Variants in A1CF observed in about 807,000 individuals in gnomAD.
A1CF encodes the protein APOBEC1 complementation factor.
A1CF carries 48 observed loss-of-function variants against 68.9 expected under a neutral mutation model. The ratio of observed to expected loss-of-function variants is 0.70; its 90% CI spans 0.55 to 0.89. The LOEUF (loss-of-function observed/expected upper bound fraction) is 0.89. Ranked by LOEUF, A1CF falls within the 40% of genes least tolerant of loss-of-function variation. A1CF has a pLI of 0.00. For missense variants in A1CF, 653 were observed against 718.9 expected (o/e 0.91, Z 1.05); for synonymous variants, 272 against 260.4 (o/e 1.04, Z -0.43).
At chr10:50,878,413 T>C (rs1303893718) in intron 1 of A1CF, among the ~76,000 whole-genome samples, 1 of 152,244 alleles carries the variant, frequency 6.6e-6, no homozygotes, top group Non-Finnish European at 1.5e-5. Context: ...GATCTAATTA[T>C]TGAAACAACC....
chr10:50,819,511 A>G (rs923118390), intron 8 of A1CF, among the ~76,000 whole-genome samples: 2 of 152,060 alleles, frequency 1.3e-5, no homozygotes, highest in Non-Finnish European at 2.9e-5. Context: ...TTGACTCCAG[A>G]ATGCTGTGAG....
intron 7 of A1CF, among the ~76,000 whole-genome samples, chr10:50,827,563 T>A (rs1839014809): frequency 6.6e-6 from 1 of 152,148 alleles, no homozygotes; most frequent in East Asian, 1.9e-4. Context: ...AAGGTGGAAA[T>A]AAAGATGTTC....
intron 1 of A1CF, among the ~76,000 whole-genome samples, chr10:50,870,638 T>C (rs920910811): frequency 1.1e-4 from 16 of 151,808 alleles, no homozygotes; most frequent in Non-Finnish European, 2.2e-4. Flanking sequence ...ACATTCAATG[T>C]TTTCCTCCCA....
At chr10:50,812,384 G>T (rs1390169361) in intron 10 of A1CF, among the ~76,000 whole-genome samples, 6 of 152,166 alleles carry the variant, frequency 3.9e-5, no homozygotes, top group Non-Finnish European at 8.8e-5. Flanking sequence ...CTAAGCCATA[G>T]TTGTAGAAGG....
At chr10:50,809,789 TG>T in intron 12 of A1CF, 104 bp downstream of exon 12, 1 of 1,496,846 alleles carries the variant, frequency 6.7e-7, no homozygotes, top group Non-Finnish European at 9.0e-7. Flanking sequence ...CAAGTCAGAT[TG>T]CTGTAAGTAG....
chr10:50,864,745 A>G (rs953324885), intron 1 of A1CF, among the ~76,000 whole-genome samples: 1 of 151,906 alleles, frequency 6.6e-6, no homozygotes, highest in Non-Finnish European at 1.5e-5. Flanking sequence ...CAGCCTCCCG[A>G]GAAGCTGGGA....
chr10:50,872,778 C>A (rs1334439619), intron 1 of A1CF, among the ~76,000 whole-genome samples: 1 of 151,814 alleles, frequency 6.6e-6, no homozygotes, highest in Non-Finnish European at 1.5e-5. Flanking sequence ...GGATTGATCC[C>A]CTGTGGATAT....
At chr10:50,825,236 C>G (rs563156093) in intron 7 of A1CF, among the ~76,000 whole-genome samples, 2 of 152,004 alleles carry the variant, frequency 1.3e-5, no homozygotes, top group Non-Finnish European at 2.9e-5. Flanking sequence ...CATGGCCCAC[C>G]CTTATTAACA....
chr10:50,834,250 C>A (rs1024713790), intron 6 of A1CF, among the ~76,000 whole-genome samples: 2 of 152,116 alleles, frequency 1.3e-5, no homozygotes, highest in African/African-American at 4.8e-5. Context: ...CTCCCCCACA[C>A]CCCAAATTAT....
intron 2 of A1CF, among the ~76,000 whole-genome samples, chr10:50,861,606 A>C (rs1272162764): frequency 6.8e-6 from 1 of 147,992 alleles, no homozygotes; most frequent in Non-Finnish European, 1.5e-5. Flanking sequence ...ATTAGTACCA[A>C]TATTACTAAT....
intron 3 of A1CF, among the ~76,000 whole-genome samples, chr10:50,848,114 A>G: frequency 6.6e-6 from 1 of 152,152 alleles, no homozygotes; most frequent in Non-Finnish European, 1.5e-5. Context: ...TGAGGATGCT[A>G]CTACTATTAC....
At chr10:50,884,394 T>C (rs569564133) in intron 1 of A1CF, among the ~76,000 whole-genome samples, 9 of 152,206 alleles carry the variant, frequency 5.9e-5, no homozygotes, top group Non-Finnish European at 1.0e-4. Flanking sequence ...GTCAATGTTA[T>C]TCCAGAAAGT....
intron 2 of A1CF, chr10:50,862,876 G>C (rs537273575): frequency 4.6e-5 from 7 of 152,176 alleles, no homozygotes; most frequent in Non-Finnish European, 1.0e-4. Flanking sequence ...GATTATTTAC[G>C]TATGTGTTAC....
At chr10:50,854,814 G>A (rs1564523597) in intron 3 of A1CF, among the ~76,000 whole-genome samples, 2 of 151,856 alleles carry the variant, frequency 1.3e-5, no homozygotes, top group Non-Finnish European at 2.9e-5. Context: ...TGTTTATTTA[G>A]GATGATCATT....
chr10:50,799,656 C>A lies in A1CF; in HGVS notation c.*7073G>T, dbSNP rs1303663517. ...TTGTACTAAAGTACAAAAATAAGTG[C>A]TTTATGCACACTTTTTAATACTGTC... is the stretch of plus-strand genomic sequence containing the variant. On this transcript the variant is annotated 3_prime_UTR_variant, in exon 13 of 13. Transcript: ENST00000373997. 6.6e-6 allele frequency: 1 copy of A among 152,036 alleles called. No homozygotes were observed. The highest frequency in any genetic ancestry group is 1.5e-5 in the Non-Finnish European group (1 of 67,980). The allele number at this position is 152,036 out of a possible 1,614,324, so 9.4% of individuals were successfully genotyped here.
rs1371764898 is a variant in A1CF at position 50,800,247 on chromosome 10, T to C, written c.*6482A>G. 6.6e-6 allele frequency: 1 copy of C among 152,166 alleles called. No individual in the cohort carries two copies. The highest frequency in any genetic ancestry group is 1.5e-5 in the Non-Finnish European group (1 of 67,988). 9.4% of individuals were successfully genotyped at this position (152,166 alleles called of 1,614,324 possible). On this transcript the variant is annotated 3_prime_UTR_variant, in exon 13 of 13. Transcript: ENST00000373997. ...CAATTCCATGTTTTAATTCTCCTTC[T>C]GGACCTCTAACTAACCTTTTTCTCC...
At chr10:50,861,549 C>A (rs1331046822) in intron 2 of A1CF, among the ~76,000 whole-genome samples, 2 of 147,954 alleles carry the variant, frequency 1.4e-5, no homozygotes, top group Non-Finnish European at 3.0e-5. Flanking sequence ...TTAGGACTAC[C>A]TACTAATATT....
intron 3 of A1CF, chr10:50,850,850 T>C: frequency 6.4e-7 from 1 of 1,567,206 alleles, no homozygotes; most frequent in Non-Finnish European, 8.6e-7. Context: ...CATTCCTTAA[T>C]CCGTTTGGAG....
chr10:50,865,210 G>A (rs544757850), intron 1 of A1CF, among the ~76,000 whole-genome samples: 5 of 152,052 alleles, frequency 3.3e-5, no homozygotes, highest in African/African-American at 1.2e-4. Context: ...AGTGAGCTGC[G>A]ATTAGGCCAC....
Sources: allele counts gnomAD v4.1 joint callset (sites outside exome capture counted in the v4.1 genomes callset), GRCh38; gene constraint gnomAD v4.1.1; transcripts MANE v1.5; gene names NCBI Gene and HGNC (gene_info 2026-07-23, HGNC 2026-07-21).